Variants in MMP16 observed in about 807,000 individuals in gnomAD.
The protein encoded by MMP16 is matrix metallopeptidase 16, also known as matrix metalloproteinase-16.
MMP16 carries 12 observed loss-of-function variants against 67.8 expected under a neutral mutation model. That is an observed-to-expected ratio of 0.18 (90% CI 0.11 to 0.29). The LOEUF is 0.29. Among genes scored for constraint, MMP16 ranks in the 10% least tolerant of loss-of-function variants. MMP16 has a pLI of 1.00. For synonymous variants in MMP16, 249 were observed against 255.9 expected (o/e 0.97, Z 0.26); for missense variants, 475 against 765.7 (o/e 0.62, Z 4.48).
chr8:88,201,777 TTAAC>T (rs146196729), intron 1 of MMP16, among the ~76,000 whole-genome samples: 2,307 of 152,188 alleles, frequency 0.015, 61 homozygotes, highest in African/African-American at 0.052. Context: ...CAAAGTAAAA[TTAAC>T]TAACAACTAA....
intron 1 of MMP16, chr8:88,326,848 G>C (rs942132891): frequency 1.1e-5 from 5 of 470,512 alleles, no homozygotes; most frequent in African/African-American, 9.8e-5. Flanking sequence ...TTGTGTCTTT[G>C]AGCGCGCAGC....
At chr8:88,186,628 C>T in intron 2 of MMP16, 30 bp from the exon 3 acceptor site, 1 of 1,287,216 alleles carries the variant, frequency 7.8e-7, no homozygotes, top group Non-Finnish European at 1.1e-6. Context: ...AAAAAAAAAG[C>T]AGTATTTTCC....
In MMP16 at chr8:88,038,680, C is replaced by A. The variant is rs1171320544; in HGVS notation, c.*2781G>T. The A allele has an allele frequency of 6.6e-6, 1 of 152,526 alleles. No homozygotes were observed. The highest frequency in any genetic ancestry group is 1.5e-5 in the Non-Finnish European group (1 of 67,998). 9.4% of individuals were successfully genotyped at this position (152,526 alleles called of 1,614,324 possible). A position where few individuals can be genotyped will look rare whatever the true frequency, so the allele number is the denominator to read the frequency against. ...TAAAAGGATTAAACCCTCCCACAAG[C>A]AAACACTGTATAAACGAGCTTATGT... On this transcript the variant is annotated 3_prime_UTR_variant, in exon 10 of 10. Transcript: ENST00000286614. The surrounding 1 kb of genome is among the most constrained non-coding windows in gnomAD (Gnocchi z 4.1).
intron 6 of MMP16, among the ~76,000 whole-genome samples, chr8:88,100,789 A>G (rs62525934): frequency 0.21 from 32,006 of 151,988 alleles, 3,564 homozygotes; most frequent in Middle Eastern, 0.26. Flanking sequence ...ATGGAATACT[A>G]TGCAGCCATA....
intron 4 of MMP16, among the ~76,000 whole-genome samples, chr8:88,157,124 C>A (rs1434461493): frequency 1.3e-5 from 2 of 151,960 alleles, no homozygotes; most frequent in African/African-American, 4.8e-5. Context: ...AATAGTTGGC[C>A]CTCCCTATCC....
chr8:88,294,203 CTA>C (rs931489152), intron 1 of MMP16, among the ~76,000 whole-genome samples: 2 of 150,134 alleles, frequency 1.3e-5, no homozygotes, highest in African/African-American at 4.9e-5. Flanking sequence ...CATATATAGA[CTA>C]TATATGTGTT....
chr8:88,263,368 G>C (rs974692420), intron 1 of MMP16, among the ~76,000 whole-genome samples: 4 of 152,086 alleles, frequency 2.6e-5, no homozygotes, highest in Non-Finnish European at 5.9e-5. Context: ...TGATTACTTA[G>C]AGCAGGGCTT....
Position 88,103,274 on chromosome 8 carries a change from A to T in MMP16, c.1083+13233T>A, listed in dbSNP as rs141397634. ...TACTTTGTACATTCGTGTATTACAGAACATAACAATGCATTGTGATGATCT... is the reference window on the plus strand; with the variant it reads ...TACTTTGTACATTCGTGTATTACAGTACATAACAATGCATTGTGATGATCT... On this transcript the variant is annotated intron_variant, in intron 6 of 9. Coordinates refer to ENST00000286614, the MANE Select transcript of MMP16 (RefSeq NM_005941.5). 4.9e-4 allele frequency among the ~76,000 whole-genome samples: 74 copies of T among 151,922 alleles called. 2 individuals are homozygous for T. In the East Asian group the frequency reaches 9.6e-3, roughly 20 times the overall value.
At chr8:88,285,988 A>T (rs1316694867) in intron 1 of MMP16, among the ~76,000 whole-genome samples, 7 of 152,012 alleles carry the variant, frequency 4.6e-5, no homozygotes, top group Non-Finnish European at 7.4e-5. Flanking sequence ...CTAACCTCTT[A>T]CTCCTAACCC....
At position 88,225,509 on chromosome 8, in the gene MMP16, G is replaced by A. The variant is rs141635905; in HGVS notation, c.133-28203C>T. On this transcript the variant is annotated intron_variant, in intron 1 of 9. Coordinates refer to ENST00000286614, the MANE Select transcript of MMP16 (RefSeq NM_005941.5). ...AATATCCAAAAACAATGAAATACAA[G>A]AGTATACAGAAATACATATTATTCA... Among the ~76,000 whole-genome samples, 757 of 151,884 alleles carry A rather than the reference G, an allele frequency of 5.0e-3. 5 individuals carry two copies. Among genetic ancestry groups the A allele is most frequent in the Non-Finnish European group, 8.5e-3 (577 of 67,834 alleles).
intron 1 of MMP16, among the ~76,000 whole-genome samples, chr8:88,234,602 T>A (rs1444907589): frequency 1.3e-5 from 2 of 152,216 alleles, no homozygotes; most frequent in East Asian, 1.9e-4. Context: ...GCAGATCTTT[T>A]GTTTCTTTCA....
chr8:88,185,455 A>C (rs948455314), intron 3 of MMP16, among the ~76,000 whole-genome samples: 2 of 152,138 alleles, frequency 1.3e-5, no homozygotes, highest in Non-Finnish European at 2.9e-5. Context: ...AGAAAAAAAA[A>C]CGTCGCCAAA....
At chr8:88,221,574 C>A (rs1465369246) in intron 1 of MMP16, among the ~76,000 whole-genome samples, 8 of 150,476 alleles carry the variant, frequency 5.3e-5, no homozygotes, top group African/African-American at 1.7e-4. Flanking sequence ...AGAATTCTAC[C>A]AAAAAAAATA....
At chr8:88,091,665 T>G (rs1450793754) in intron 6 of MMP16, among the ~76,000 whole-genome samples, 2 of 151,918 alleles carry the variant, frequency 1.3e-5, no homozygotes, top group Non-Finnish European at 2.9e-5. Flanking sequence ...TCCAAAGGTA[T>G]AACTTAAATT....
intron 7 of MMP16, among the ~76,000 whole-genome samples, chr8:88,064,870 G>T (rs1808443997): frequency 6.6e-6 from 1 of 152,080 alleles, no homozygotes; most frequent in Non-Finnish European, 1.5e-5. Flanking sequence ...AGCAAGCAGA[G>T]AATTTTGAAT....
At chr8:88,211,281 T>G (rs1056875244) in intron 1 of MMP16, among the ~76,000 whole-genome samples, 2 of 152,140 alleles carry the variant, frequency 1.3e-5, no homozygotes, top group African/African-American at 4.8e-5. Context: ...CAAGTGATAC[T>G]TTAGAGGTAG....
In MMP16 at chr8:88,167,654, C is replaced by G. The variant is rs1334074489; in HGVS notation, c.709+15G>C. 3 of 1,569,402 alleles carry G rather than the reference C, an allele frequency of 1.9e-6. No individual in the cohort carries two copies. Among genetic ancestry groups the G allele is most frequent in the Admixed American group, 3.8e-5 (2 of 53,142 alleles). On this transcript the variant is annotated intron_variant, in intron 4 of 9. Transcript: ENST00000286614. ...TAATAGAAATATTTACACTGTAAAA[C>G]AAACATGTACTTACCATCATGATTA...
intron 1 of MMP16, among the ~76,000 whole-genome samples, chr8:88,281,580 G>C (rs1488809783): frequency 2.0e-5 from 3 of 152,206 alleles, no homozygotes; most frequent in African/African-American, 7.2e-5. Context: ...GGTCTTTCCA[G>C]TCAGCAAGCT....
intron 4 of MMP16, among the ~76,000 whole-genome samples, chr8:88,128,119 G>A (rs1376260931): frequency 1.3e-5 from 2 of 151,784 alleles, no homozygotes; most frequent in African/African-American, 4.8e-5. Flanking sequence ...TGCGGAGAAC[G>A]GCCTCTGTTT....
Sources: allele counts gnomAD v4.1 joint callset (sites outside exome capture counted in the v4.1 genomes callset), GRCh38; gene constraint gnomAD v4.1.1; non-coding constraint Gnocchi (gnomAD v3.1); transcripts MANE v1.5; gene names NCBI Gene and HGNC (gene_info 2026-07-23, HGNC 2026-07-21).